Variants in ERAP1 observed in about 807,000 individuals in gnomAD.
ERAP1 encodes endoplasmic reticulum aminopeptidase 1, also known as adipocyte-derived leucine aminopeptidase.
ERAP1 carries 86 observed loss-of-function variants against 103.7 expected under a neutral mutation model. That is an observed-to-expected ratio of 0.83 (90% CI 0.70 to 0.99). The LOEUF is 0.99. Among genes scored for constraint, ERAP1 ranks in the 50% least tolerant of loss-of-function variants. The pLI, the probability that ERAP1 is intolerant of heterozygous loss-of-function variation, is 0.00. For synonymous variants in ERAP1, 398 were observed against 402.4 expected (o/e 0.99, Z 0.13); for missense variants, 1,009 against 1,128.4 (o/e 0.89, Z 1.52).
downstream of ERAP1, chr5:96,770,712 T>G: frequency 1.4e-6 from 1 of 736,736 alleles, no homozygotes; most frequent in Non-Finnish European, 2.4e-6. Flanking sequence ...ATAAAATTTC[T>G]TAAAGTACTA....
chr5:96,865,153 CTGTT>C, the ERAP1 span, among the ~76,000 whole-genome samples: 1 of 152,116 alleles, frequency 6.6e-6, no homozygotes, highest in Admixed American at 6.5e-5. Flanking sequence ...AACTTATGAC[CTGTT>C]CCATCCTCCT....
intron 19 of ERAP1, chr5:96,765,184 C>A: frequency 3.3e-6 from 4 of 1,200,282 alleles, no homozygotes; most frequent in Middle Eastern, 1.9e-4. Context: ...TACAGTTTGG[C>A]TAATGAGTGA....
chr5:96,800,355 A>T (rs1372724354), intron 3 of ERAP1, among the ~76,000 whole-genome samples: 1 of 152,238 alleles, frequency 6.6e-6, no homozygotes, highest in South Asian at 2.1e-4. Flanking sequence ...CTTCAGCACC[A>T]TAATATTTGG....
At chr5:96,898,479 T>TAA in the ERAP1 span, among the ~76,000 whole-genome samples, 1 of 151,326 alleles carries the variant, frequency 6.6e-6, no homozygotes, top group African/African-American at 2.4e-5. Context: ...CGGTGGCTCA[T>TAA]GCTTGTAATC....
chr5:96,862,556 T>C, the ERAP1 span, among the ~76,000 whole-genome samples: 1 of 152,198 alleles, frequency 6.6e-6, no homozygotes, highest in Admixed American at 6.6e-5. Context: ...GATCTGGAAC[T>C]TGTAACAGAA....
the ERAP1 span, among the ~76,000 whole-genome samples, chr5:96,821,605 A>G: frequency 6.6e-6 from 1 of 152,202 alleles, no homozygotes; most frequent in African/African-American, 2.4e-5. Context: ...TAGAAGGAGC[A>G]CCAACATCAA....
chr5:96,832,713 T>C, the ERAP1 span, among the ~76,000 whole-genome samples: 3 of 152,256 alleles, frequency 2.0e-5, no homozygotes, highest in Non-Finnish European at 2.9e-5. Context: ...AAATGTGCTA[T>C]AAGTAGCAGA....
At chr5:96,905,362 T>G in the ERAP1 span, among the ~76,000 whole-genome samples, 1 of 152,248 alleles carries the variant, frequency 6.6e-6, no homozygotes, top group Non-Finnish European at 1.5e-5. Flanking sequence ...TGTAGGGTAT[T>G]GAAATTATGA....
the ERAP1 span, among the ~76,000 whole-genome samples, chr5:96,929,322 G>A: frequency 6.6e-6 from 1 of 152,188 alleles, no homozygotes; most frequent in Admixed American, 6.5e-5. Flanking sequence ...CAAAAATAGA[G>A]TTTCTGCAGA....
At chr5:96,786,988 A>G (rs1776094943) in intron 11 of ERAP1, among the ~76,000 whole-genome samples, 1 of 152,222 alleles carries the variant, frequency 6.6e-6, no homozygotes, top group Non-Finnish European at 1.5e-5. Context: ...ATAACTGGCC[A>G]GTACTCTTCA....
At chr5:96,920,920 T>C in the ERAP1 span, among the ~76,000 whole-genome samples, 1 of 152,234 alleles carries the variant, frequency 6.6e-6, no homozygotes, top group Non-Finnish European at 1.5e-5. Context: ...TGCTGGGTAG[T>C]TTCCTTAAAA....
chr5:96,775,939 G>A lies in ERAP1; in HGVS notation c.*457C>T. Reference sequence around the variant, plus strand: ...AGCAAGGAAGAGGGATGGGCAGCGGGTCTGGAGGGGTGAGCCGGGAGAGCT... The same window carrying A: ...AGCAAGGAAGAGGGATGGGCAGCGGATCTGGAGGGGTGAGCCGGGAGAGCT... On this transcript the variant is annotated 3_prime_UTR_variant, in exon 19 of 19. Transcript: ENST00000443439. 1 of 1,038,626 alleles carries A rather than the reference G, an allele frequency of 9.6e-7. No homozygotes were observed. The allele number at this position is 1,038,626 out of a possible 1,614,324, so 64.3% of individuals were successfully genotyped here.
the ERAP1 span, chr5:96,909,934 C>A: frequency 1.7e-6 from 1 of 595,490 alleles, no homozygotes; most frequent in Non-Finnish European, 2.9e-6. Context: ...TGTATGGAGA[C>A]TAGTACAATC....
the ERAP1 span, among the ~76,000 whole-genome samples, chr5:96,874,084 A>C: frequency 6.6e-6 from 1 of 151,346 alleles, no homozygotes; most frequent in Admixed American, 6.6e-5. Flanking sequence ...ATCCCAAAGA[A>C]AAGAGAAGAG....
chr5:96,912,858 A>T, the ERAP1 span: 1 of 1,417,420 alleles, frequency 7.1e-7, no homozygotes, highest in African/African-American at 1.5e-5. Flanking sequence ...CAGTGAAGTC[A>T]CTAAAACTTC....
At chr5:96,818,497 C>T in the ERAP1 span, among the ~76,000 whole-genome samples, 10 of 151,720 alleles carry the variant, frequency 6.6e-5, no homozygotes, top group African/African-American at 2.4e-4. Context: ...GCTAAGTTCC[C>T]GCTATGGGTG....
chr5:96,761,717 G>A (rs1177893359), exon 20 of ERAP1: 2 of 152,458 alleles, frequency 1.3e-5, no homozygotes, highest in African/African-American at 2.4e-5. Flanking sequence ...AATATTTAAC[G>A]TTGAAAAAAA....
chr5:96,774,360 T>A (rs184053559), downstream of ERAP1: 490 of 289,206 alleles, frequency 1.7e-3, 11 homozygotes, highest in Admixed American at 0.024. Flanking sequence ...CCTTCTTTTT[T>A]AATTAGAAAT....
chr5:96,922,279 CAG>C, the ERAP1 span, among the ~76,000 whole-genome samples: 1 of 152,118 alleles, frequency 6.6e-6, no homozygotes, highest in Non-Finnish European at 1.5e-5. Context: ...GCCTGGGCGA[CAG>C]AGAGAGACTC....
Sources: gnomAD v4.1 joint callset for allele counts (sites outside exome capture counted in the v4.1 genomes callset) on GRCh38, gnomAD v4.1.1 for gene constraint, MANE v1.5 for transcripts, NCBI Gene and HGNC (gene_info 2026-07-23, HGNC 2026-07-21) for gene names.